The following HUWE1 variants were observed in gnomAD, a reference collection of about 807,000 sequenced individuals.
HUWE1 encodes E3 ubiquitin-protein ligase HUWE1.
In HUWE1, 18 loss-of-function variants were observed where a neutral mutation model predicts 299.4. The ratio of observed to expected loss-of-function variants is 0.06; its 90% CI spans 0.04 to 0.09. HUWE1 has a LOEUF of 0.09. Ranked by LOEUF, HUWE1 falls within the 10% of genes least tolerant of loss-of-function variation. The pLI is 1.00. For missense variants in HUWE1, 1,832 were observed against 3,462.3 expected, an observed-to-expected ratio of 0.53 and a Z score of 11.82; for synonymous variants, 1,317 against 1,286.1, an observed-to-expected ratio of 1.02 and a Z score of -0.51.
chrX:53,624,959 A>G (rs934035807), intron 18 of HUWE1, among the ~76,000 whole-genome samples, 198 bp downstream of exon 18: 3 of 112,274 alleles, frequency 2.7e-5, no homozygotes, highest in Non-Finnish European at 3.8e-5. Flanking sequence ...GGGGAAAAAA[A>G]GGGTAAATCA....
chrX:53,535,922 G>GTTTTTTTT, intron 80 of HUWE1: 14 of 172,610 alleles, frequency 8.1e-5, no homozygotes, highest in Non-Finnish European at 1.1e-4. Context: ...ATGTACTGGA[G>GTTTTTTTT]TTTTTTTTTT....
At chrX:53,595,543 T>C in intron 29 of HUWE1, 140 bp from the exon 30 acceptor site, 4 of 536,463 alleles carry the variant, frequency 7.5e-6, no homozygotes, top group Non-Finnish European at 1.2e-5. Flanking sequence ...TTGTTCTACA[T>C]TCAATAATCC....
intron 23 of HUWE1, among the ~76,000 whole-genome samples, chrX:53,613,084 A>T (rs2065586798): frequency 9.0e-6 from 1 of 111,612 alleles, no homozygotes; most frequent in South Asian, 3.8e-4. Context: ...TGACAAAGGA[A>T]GCACTAAGAC....
chrX:53,546,651 CCT>C, intron 69 of HUWE1, 51 bp downstream of exon 69: 1 of 1,208,246 alleles, frequency 8.3e-7, no homozygotes, highest in Non-Finnish European at 1.1e-6. Flanking sequence ...CATTATCTAC[CCT>C]GTTTATCCTT....
chrX:53,631,543 C>T, intron 10 of HUWE1, 24 bp downstream of exon 10: 1 of 1,186,660 alleles, frequency 8.4e-7, no homozygotes, highest in East Asian at 3.0e-5. Context: ...AAGAAACGAG[C>T]CAAGAGTCAA....
At chrX:53,550,124 C>T (rs1188601945) in intron 66 of HUWE1, among the ~76,000 whole-genome samples, 4 of 111,132 alleles carry the variant, frequency 3.6e-5, no homozygotes, top group African/African-American at 1.3e-4. Flanking sequence ...CATCACACGG[C>T]GACTGAGAAG....
intron 43 of HUWE1, 89 bp from the exon 44 acceptor site, chrX:53,577,156 G>T: frequency 1.5e-6 from 1 of 675,515 alleles, no homozygotes; most frequent in Non-Finnish European, 2.4e-6. Flanking sequence ...GGGCATGTAT[G>T]ATATAGAAGG....
At position 53,562,262 on chromosome X, in the gene HUWE1, C is replaced by T. The variant is rs1569445885; in HGVS notation, c.7205-18G>A. ...CATGGAATCTAAAACAAAGGGAGCA[C>T]ATTGGAGGACTAAACTGAGTAGCTA... is the stretch of plus-strand genomic sequence containing the variant. On this transcript the variant is annotated intron_variant, in intron 53 of 83. Coordinates refer to ENST00000262854, the MANE Select transcript of HUWE1 (RefSeq NM_031407.7). The T allele has an allele frequency of 8.3e-7, 1 of 1,206,970 alleles. No homozygotes were observed.
At chrX:53,578,804 G>A (rs782053642) in intron 43 of HUWE1, among the ~76,000 whole-genome samples, 1 of 70,728 alleles carries the variant, frequency 1.4e-5, no homozygotes, top group African/African-American at 5.4e-5. Flanking sequence ...GGAGGGAGGT[G>A]GGGGGGGGTC....
chrX:53,569,618 G>A lies in HUWE1; in HGVS notation c.6522C>T (p.Ala2174=). 8.3e-7 allele frequency: 1 copy of A among 1,207,141 alleles called. No homozygotes were observed. Among genetic ancestry groups the A allele is most frequent in the African/African-American group, 1.7e-5 (1 of 57,321 alleles). Residue 2174 remains alanine (A), a splice_region_variant and synonymous_variant, in exon 48 of 84, where the codon GCC becomes GCT. Coordinates refer to ENST00000262854, the MANE Select transcript of HUWE1 (RefSeq NM_031407.7). ...CCTGGGACAGGTATGAATCTTACCT[G>A]GCATGTTTCTCTGTACTCTCAGCCA... ...LAMAESTEKH[A]RLQAVMCIIS...
Position 53,549,049 on chromosome X carries a change from A to G in HUWE1, c.9945T>C (p.His3315=). 4.1e-6 allele frequency: 5 copies of G among 1,210,265 alleles called. No individual in the cohort carries two copies. Among genetic ancestry groups the G allele is most frequent in the Non-Finnish European group, 5.6e-6 (5 of 894,569 alleles). The change falls in exon 67 of 84, where the codon CAT becomes CAC. Residue 3315 remains histidine (H), a synonymous_variant. Transcript: ENST00000262854. The part of the protein sequence containing the change: ...RSGGRKHTEK[H]ASGGSTVHIH... ...TGTGGACGGTGGAGCCACCGCTTGC[A>G]TGCTTCTCGGTATGTTTACGCCCCC...
At chrX:53,628,713 T>A (rs369460962) in intron 14 of HUWE1, 39 bp downstream of exon 14, 1 of 1,206,600 alleles carries the variant, frequency 8.3e-7, no homozygotes, top group Non-Finnish European at 1.1e-6. Context: ...AGAGGGCAAA[T>A]GTTTCTTCTT....
At chrX:53,676,091 C>T (rs1381323480) in intron 3 of HUWE1, among the ~76,000 whole-genome samples, 5 of 111,450 alleles carry the variant, frequency 4.5e-5, no homozygotes, top group African/African-American at 1.6e-4. Context: ...ACTGATGATC[C>T]CACACAGACC....
At chrX:53,616,679 A>G (rs782679132) in intron 21 of HUWE1, among the ~76,000 whole-genome samples, 9 of 111,742 alleles carry the variant, frequency 8.1e-5, no homozygotes, top group African/African-American at 2.9e-4. Context: ...TCAGGACTCC[A>G]TATTTCTCAT....
At chrX:53,634,319 G>GTGCCTC in intron 7 of HUWE1, 21 bp from the exon 8 acceptor site, 1 of 1,161,588 alleles carries the variant, frequency 8.6e-7, no homozygotes, top group Non-Finnish European at 1.2e-6. Flanking sequence ...GAAAAAGATA[G>GTGCCTC]TGTTAAGACA....
intron 27 of HUWE1, 138 bp from the exon 28 acceptor site, chrX:53,602,796 TA>T (rs1456940393): frequency 2.7e-6 from 1 of 366,625 alleles, no homozygotes; most frequent in East Asian, 4.3e-5. Flanking sequence ...CTGAATGTAA[TA>T]AAGCATCTAT....
intron 2 of HUWE1, among the ~76,000 whole-genome samples, chrX:53,681,481 C>T (rs973552149): frequency 5.6e-5 from 6 of 106,715 alleles, no homozygotes; most frequent in Non-Finnish European, 1.2e-4. Flanking sequence ...CAAATAGTCA[C>T]ATCTGTTTAA....
intron 81 of HUWE1, among the ~76,000 whole-genome samples, chrX:53,535,152 C>G (rs1035093072): frequency 9.0e-6 from 1 of 111,303 alleles, no homozygotes; most frequent in African/African-American, 3.3e-5. Context: ...CCAGGCTGGT[C>G]TCAAACTCCT....
chrX:53,593,690 T>C (rs1379628694), intron 31 of HUWE1, 89 bp from the exon 32 acceptor site: 28 of 641,103 alleles, frequency 4.4e-5, no homozygotes, highest in African/African-American at 6.6e-5. Context: ...AATCTCTATA[T>C]TGGCCCTACA....
Sources: allele counts gnomAD v4.1 joint callset (sites outside exome capture counted in the v4.1 genomes callset), GRCh38; gene constraint gnomAD v4.1.1; transcripts MANE v1.5; gene names NCBI Gene and HGNC (gene_info 2026-07-23, HGNC 2026-07-21).